Variants in MAST4 observed in about 807,000 individuals in gnomAD.
MAST4 encodes microtubule associated serine/threonine kinase family member 4.
In MAST4, 89 loss-of-function variants were observed where a neutral mutation model predicts 162.7. That is an observed-to-expected ratio of 0.55 (90% CI 0.46 to 0.65). MAST4 has a LOEUF of 0.65. Among genes scored for constraint, MAST4 ranks in the 30% least tolerant of loss-of-function variants. The pLI, the probability that MAST4 is intolerant of heterozygous loss-of-function variation, is 0.00. For missense variants in MAST4, 3,153 were observed against 3,374.0 expected, an observed-to-expected ratio of 0.93 and a Z score of 1.62; for synonymous variants, 1,479 against 1,361.1, an observed-to-expected ratio of 1.09 and a Z score of -1.91.
rs1176127841 is a variant in MAST4 at position 66,910,741 on chromosome 5, C to CTTTTTTTTTTT, written c.674+10762_674+10772dup. On this transcript the variant is annotated intron_variant, in intron 4 of 28. Transcript: ENST00000403625. ...GAATACACATGTGGTTTTTTTTTTT[C>CTTTTTTTTTTT]TTTTTTTTTTTTTCTTTTTTTTTTT... Among the ~76,000 whole-genome samples the CTTTTTTTTTTT allele has an allele frequency of 2.2e-3, 44 of 20,100 alleles. 4 individuals are homozygous for CTTTTTTTTTTT. Among genetic ancestry groups the CTTTTTTTTTTT allele is most frequent in the Middle Eastern group, 0.038 (1 of 26 alleles). 13.2% of individuals were successfully genotyped at this position (20,100 alleles called of 152,430 possible).
intron 3 of MAST4, among the ~76,000 whole-genome samples, chr5:66,834,033 CTTAG>C (rs940027161): frequency 1.3e-5 from 2 of 152,180 alleles, no homozygotes; most frequent in African/African-American, 4.8e-5. Flanking sequence ...GCACATTGTA[CTTAG>C]TTAATCTTAG....
intron 1 of MAST4, among the ~76,000 whole-genome samples, chr5:66,639,150 T>A (rs1300315081): frequency 6.6e-6 from 1 of 151,926 alleles, no homozygotes; most frequent in Non-Finnish European, 1.5e-5. Context: ...AAGAAGGGAA[T>A]AATTAGAGTA....
intron 3 of MAST4, among the ~76,000 whole-genome samples, chr5:66,847,002 C>CT (rs1190399407): frequency 1.3e-5 from 2 of 152,104 alleles, no homozygotes; most frequent in African/African-American, 4.8e-5. Flanking sequence ...TATCAGCCCC[C>CT]TTTTTTCCAT....
At chr5:66,676,022 G>A (rs1019762065) in intron 1 of MAST4, among the ~76,000 whole-genome samples, 1 of 152,188 alleles carries the variant, frequency 6.6e-6, no homozygotes, top group African/African-American at 2.4e-5. Flanking sequence ...GCCTTATTTT[G>A]TGTGGCTTAG....
intron 4 of MAST4, among the ~76,000 whole-genome samples, chr5:67,039,711 C>T (rs1756483567): frequency 6.6e-6 from 1 of 152,180 alleles, no homozygotes; most frequent in Non-Finnish European, 1.5e-5. Context: ...CTCATCCCAT[C>T]TCCTGCCATA....
chr5:66,607,678 T>C (rs1742979984), intron 1 of MAST4, among the ~76,000 whole-genome samples: 1 of 152,254 alleles, frequency 6.6e-6, no homozygotes, highest in South Asian at 2.1e-4. Flanking sequence ...TTGGGGAATC[T>C]GAACTCCTGC....
rs146558157 is a variant in MAST4 at position 66,671,699 on chromosome 5, A to G, written c.363+74681A>G. ...CACTCCCATACCACTACAAAACTCT[A>G]TAACATCCATGACTGGGCAACAGTG... On this transcript the variant is annotated intron_variant, in intron 1 of 28. Coordinates refer to ENST00000403625, the MANE Select transcript of MAST4 (RefSeq NM_001164664.2). 4.7e-4 allele frequency among the ~76,000 whole-genome samples: 71 copies of G among 152,314 alleles called. 1 individual carries two copies. In the East Asian group the frequency reaches 4.8e-3, roughly 10 times the overall value.
At chr5:66,648,073 TGTGTGTGTGTGA>T (rs1428898978) in intron 1 of MAST4, among the ~76,000 whole-genome samples, 9 of 94,854 alleles carry the variant, frequency 9.5e-5, no homozygotes, top group African/African-American at 2.5e-4. Context: ...TGTGTGTGTG[TGTGTGTGTGTGA>T]GAGAGAGAGA....
rs1461717539 is a variant in MAST4, at chr5:67,133,591, C to T, written c.2171C>T (p.Thr724Ile). Residue 724 changes from threonine to isoleucine, a missense_variant, in exon 17 of 29, where the codon ACC (threonine) becomes ATC (isoleucine). Thr to Ile is a moderately conservative substitution (Grantham distance 89). This residue lies in a region of MAST4 where 131 missense variants were observed against 253.8 expected (regional missense o/e 0.52). Coordinates refer to ENST00000403625, the MANE Select transcript of MAST4 (RefSeq NM_001164664.2). ...LSKVGLMSMT[T>I]NLYEGHIEKD... Reference sequence around the variant, plus strand: ...AAGGTGGGACTAATGAGCATGACTACCAACCTTTACGAGGGTCATATTGAG... The same window carrying T: ...AAGGTGGGACTAATGAGCATGACTATCAACCTTTACGAGGGTCATATTGAG... 6.2e-7 allele frequency: 1 copy of T among 1,613,398 alleles called. No individual in the cohort carries two copies. The highest frequency in any genetic ancestry group is 1.1e-5 in the South Asian group (1 of 91,062).
At chr5:67,144,842 C>G in intron 22 of MAST4, 46 bp downstream of exon 22, 1 of 1,549,980 alleles carries the variant, frequency 6.5e-7, no homozygotes, top group Non-Finnish European at 8.7e-7. Context: ...GCTACTAGAG[C>G]AGAGTTTCTT....
intron 1 of MAST4, among the ~76,000 whole-genome samples, chr5:66,671,165 A>T (rs1166052707): frequency 3.9e-5 from 6 of 152,190 alleles, no homozygotes; most frequent in African/African-American, 1.4e-4. Context: ...TTGAAAATGC[A>T]TTTAGGTAAA....
rs563230926 is a variant in MAST4, at chr5:66,900,532, A to G, written c.674+550A>G. Among the ~76,000 whole-genome samples the G allele has an allele frequency of 3.9e-5, 6 of 152,178 alleles. No homozygotes were observed. The South Asian group carries it at 1.2e-3, about 31-fold the overall frequency. On this transcript the variant is annotated intron_variant, in intron 4 of 28. Transcript: ENST00000403625. ...TTATTCTTTTATTTTTAAGGCCAAT[A>G]ATATATTTGCATAAATCATAATTTT...
rs1373054847 is a variant in MAST4, at chr5:67,100,428, T to A, written c.913-7T>A. 1 of 1,613,882 alleles carries A rather than the reference T, an allele frequency of 6.2e-7. No homozygotes were observed. The highest frequency in any genetic ancestry group is 8.5e-7 in the Non-Finnish European group (1 of 1,179,808). ...TAGTTATGTGACCTCACTTTGGTTT[T>A]TTTCAGTCATCCTGTTCCTCCCAGG... On this transcript the variant is annotated splice_region_variant and splice_polypyrimidine_tract_variant and intron_variant, in intron 7 of 28. Transcript: ENST00000403625.
intron 3 of MAST4, among the ~76,000 whole-genome samples, chr5:66,813,554 G>A (rs1756574937): frequency 6.6e-6 from 1 of 152,226 alleles, no homozygotes; most frequent in African/African-American, 2.4e-5. Context: ...GCAGATGCAG[G>A]AGAATTTCCT....
intron 3 of MAST4, among the ~76,000 whole-genome samples, chr5:66,801,882 C>G (rs1366614929): frequency 6.6e-6 from 1 of 152,126 alleles, no homozygotes; most frequent in East Asian, 1.9e-4. Context: ...GTAAGACATT[C>G]ATTTGTTGCT....
At chr5:67,125,391 A>C (rs531019256) in intron 14 of MAST4, among the ~76,000 whole-genome samples, 2 of 151,970 alleles carry the variant, frequency 1.3e-5, no homozygotes, top group African/African-American at 4.8e-5. Flanking sequence ...TCCTAATGCT[A>C]TCCCTCCCCT....
At chr5:66,839,504 G>A (rs1289587893) in intron 3 of MAST4, among the ~76,000 whole-genome samples, 1 of 152,104 alleles carries the variant, frequency 6.6e-6, no homozygotes. Flanking sequence ...TGCAGGAATG[G>A]TTAAAATTAC....
At chr5:66,640,209 C>T (rs1561230896) in intron 1 of MAST4, among the ~76,000 whole-genome samples, 1 of 152,140 alleles carries the variant, frequency 6.6e-6, no homozygotes, top group Non-Finnish European at 1.5e-5. Flanking sequence ...AGCATAATGT[C>T]CTCCTGTTTT....
chr5:66,939,884 G>T (rs976740568), intron 4 of MAST4, among the ~76,000 whole-genome samples: 3 of 151,990 alleles, frequency 2.0e-5, no homozygotes, highest in African/African-American at 7.2e-5. Flanking sequence ...TATTAAGTGT[G>T]CAATAGCATT....
Sources: allele counts gnomAD v4.1 joint callset (sites outside exome capture counted in the v4.1 genomes callset), GRCh38; gene constraint gnomAD v4.1.1; regional missense constraint gnomAD v4.1.1; transcripts MANE v1.5; gene names NCBI Gene and HGNC (gene_info 2026-07-23, HGNC 2026-07-21).